Variants in KLHL14 observed in about 807,000 individuals in gnomAD.
The protein encoded by KLHL14 is kelch like family member 14, also known as kelch-like protein 14.
A neutral mutation model predicts 64.3 loss-of-function variants in KLHL14; 22 were observed. The observed-to-expected ratio is 0.34, with a 90% confidence interval of 0.24 to 0.49. The LOEUF (loss-of-function observed/expected upper bound fraction) is 0.49. KLHL14 is among the 20% of genes least tolerant of loss of function. KLHL14 has a pLI of 0.99. For synonymous variants in KLHL14, 322 were observed against 333.4 expected, an observed-to-expected ratio of 0.97 and a Z score of 0.37; for missense variants, 661 against 789.0, an observed-to-expected ratio of 0.84 and a Z score of 1.94.
chr18:32,761,529 G>A (rs1268677986), intron 2 of KLHL14, among the ~76,000 whole-genome samples: 1 of 151,460 alleles, frequency 6.6e-6, no homozygotes, highest in Non-Finnish European at 1.5e-5. Context: ...TACTTAGAAT[G>A]GCTCATCTTT....
intron 4 of KLHL14, among the ~76,000 whole-genome samples, chr18:32,688,973 G>A (rs558207316): frequency 6.6e-6 from 1 of 152,160 alleles, no homozygotes; most frequent in Non-Finnish European, 1.5e-5. Flanking sequence ...AAAATTTCCT[G>A]AGGGCTTGAA....
intron 2 of KLHL14, among the ~76,000 whole-genome samples, chr18:32,766,297 C>T (rs376489443): frequency 9.9e-5 from 15 of 151,962 alleles, no homozygotes; most frequent in African/African-American, 3.6e-4. Context: ...TAAAAAGAAA[C>T]TATTTGGGTT....
intron 2 of KLHL14, among the ~76,000 whole-genome samples, chr18:32,755,623 C>A (rs1486056836): frequency 6.6e-6 from 1 of 152,104 alleles, no homozygotes; most frequent in Non-Finnish European, 1.5e-5. Flanking sequence ...ATTCAAAAAA[C>A]AGAAGCAATT....
At chr18:32,713,419 T>G (rs2050030212) in intron 3 of KLHL14, among the ~76,000 whole-genome samples, 1 of 152,160 alleles carries the variant, frequency 6.6e-6, no homozygotes, top group Admixed American at 6.6e-5. Flanking sequence ...TCTCTTTCTA[T>G]TATGCTTTGT....
chr18:32,729,384 T>G (rs1183068279), intron 3 of KLHL14, among the ~76,000 whole-genome samples: 1 of 152,222 alleles, frequency 6.6e-6, no homozygotes, highest in African/African-American at 2.4e-5. Context: ...ACGAGCCATA[T>G]TTAACACATA....
intron 3 of KLHL14, among the ~76,000 whole-genome samples, chr18:32,731,022 A>G (rs2050134615): frequency 6.6e-6 from 1 of 152,128 alleles, no homozygotes; most frequent in South Asian, 2.1e-4. Context: ...CCAGGTCCTT[A>G]AGGTATCAGC....
At position 32,680,687 on chromosome 18, in the gene KLHL14, G is replaced by A; in HGVS notation, c.1239-88C>T. ...AAGATAAGCACCACACAGCTAGTCA[G>A]GGAAAGGGGTGCATTCTGCTTCAGA... On this transcript the variant is annotated intron_variant, in intron 5 of 8. Transcript: ENST00000359358. This position sits in a 1 kb window ranked among gnomAD's most constrained non-coding sequence, Gnocchi z 4.8. The A allele has an allele frequency of 7.7e-7, 1 of 1,297,964 alleles. No homozygotes were observed. Among genetic ancestry groups the A allele is most frequent in the Non-Finnish European group, 1.1e-6 (1 of 948,156 alleles). 80.4% of individuals were successfully genotyped at this position (1,297,964 alleles called of 1,614,324 possible).
At chr18:32,682,176 A>G (rs1804461083) in intron 5 of KLHL14, among the ~76,000 whole-genome samples, 1 of 152,234 alleles carries the variant, frequency 6.6e-6, no homozygotes, top group Admixed American at 6.5e-5. Flanking sequence ...TTGTTACCAT[A>G]TAGGCATGAT....
chr18:32,739,287 C>T (rs1428017208), intron 3 of KLHL14, among the ~76,000 whole-genome samples: 5 of 151,738 alleles, frequency 3.3e-5, no homozygotes, highest in Admixed American at 3.3e-4. Flanking sequence ...TGGGAAGAAT[C>T]TGGGATTCTG....
At chr18:32,772,259 T>A in intron 1 of KLHL14, 1 of 397,142 alleles carries the variant, frequency 2.5e-6, no homozygotes, top group Non-Finnish European at 5.1e-6. Flanking sequence ...ACTGGGCTCC[T>A]TTCGACTCAC....
Position 32,680,748 on chromosome 18 carries a change from T to G in KLHL14, c.1239-149A>C. On this transcript the variant is annotated intron_variant, in intron 5 of 8. Transcript: ENST00000359358. The surrounding 1 kb of genome is among the most constrained non-coding windows in gnomAD (Gnocchi z 4.8). Reference sequence around the variant, plus strand: ...AATCTTTAAAAATTACACGTATACCTTATAATTCTGAGACCTTCTACAGTA... The same window carrying G: ...AATCTTTAAAAATTACACGTATACCGTATAATTCTGAGACCTTCTACAGTA... The G allele has an allele frequency of 2.9e-6, 2 of 685,088 alleles. No individual in the cohort carries two copies. The highest frequency in any genetic ancestry group is 2.7e-5 in the East Asian group (1 of 36,822). The allele number at this position is 685,088 out of a possible 1,614,324, so 42.4% of individuals were successfully genotyped here. A position where few individuals can be genotyped will look rare whatever the true frequency, so the allele number is the denominator to read the frequency against.
chr18:32,755,461 G>A (rs2050276985), intron 2 of KLHL14, among the ~76,000 whole-genome samples: 1 of 152,036 alleles, frequency 6.6e-6, no homozygotes, highest in Non-Finnish European at 1.5e-5. Flanking sequence ...AAATCCCCTA[G>A]AATTTGGTAA....
intron 2 of KLHL14, among the ~76,000 whole-genome samples, chr18:32,748,701 G>A (rs1415812717): frequency 1.4e-5 from 2 of 145,566 alleles, no homozygotes; most frequent in Non-Finnish European, 3.0e-5. Flanking sequence ...TGTTGACCAC[G>A]CTGGTCTCTG....
chr18:32,707,510 AG>A (rs1187085080), intron 3 of KLHL14, among the ~76,000 whole-genome samples: 3 of 152,224 alleles, frequency 2.0e-5, no homozygotes, highest in Non-Finnish European at 4.4e-5. Flanking sequence ...TTAGCTGATA[AG>A]GGTAGCTCTC....
At chr18:32,761,403 T>C (rs1316971751) in intron 2 of KLHL14, among the ~76,000 whole-genome samples, 1 of 150,978 alleles carries the variant, frequency 6.6e-6, no homozygotes, top group East Asian at 1.9e-4. Context: ...CTTTTTTTTT[T>C]TTTTTTTTTA....
At chr18:32,717,267 C>T (rs966591596) in intron 3 of KLHL14, among the ~76,000 whole-genome samples, 1 of 152,112 alleles carries the variant, frequency 6.6e-6, no homozygotes, top group African/African-American at 2.4e-5. Context: ...ATGAGTCAAA[C>T]CAAAAATAAA....
chr18:32,704,042 A>G (rs1016333845), intron 3 of KLHL14, among the ~76,000 whole-genome samples: 5 of 152,150 alleles, frequency 3.3e-5, no homozygotes, highest in Non-Finnish European at 7.4e-5. Flanking sequence ...TATCATTCTC[A>G]TACTTTTTAT....
chr18:32,739,769 T>C (rs2144528482), intron 3 of KLHL14, among the ~76,000 whole-genome samples: 1 of 152,216 alleles, frequency 6.6e-6, no homozygotes, highest in Non-Finnish European at 1.5e-5. Context: ...ATCTAACATG[T>C]GAAAACTATG....
rs574080093 is a variant in KLHL14, at chr18:32,770,185, C to A, written c.407G>T (p.Arg136Leu). The change falls in exon 2 of 9, where the codon CGC becomes CTC. Residue 136 changes from arginine to leucine, a missense_variant. Arg to Leu is a moderately radical substitution (Grantham distance 102). Coordinates refer to ENST00000359358, the MANE Select transcript of KLHL14 (RefSeq NM_020805.3). This position sits in a 1 kb window ranked among gnomAD's most constrained non-coding sequence, Gnocchi z 6.7. ...CGTGTAGAGGTACTCGAGCACCAGG[C>A]GCAGCCCGATGGACGAGCAGCCCTG... ...VLQGCSSIGL[R>L]LVLEYLYTAN... is the part of the protein sequence containing the mutation. 3.1e-6 allele frequency: 5 copies of A among 1,613,318 alleles called. No homozygotes were observed. The highest frequency in any genetic ancestry group is 4.2e-6 in the Non-Finnish European group (5 of 1,179,398).
Sources: allele counts gnomAD v4.1 joint callset (sites outside exome capture counted in the v4.1 genomes callset), GRCh38; gene constraint gnomAD v4.1.1; non-coding constraint Gnocchi (gnomAD v3.1); transcripts MANE v1.5; gene names NCBI Gene and HGNC (gene_info 2026-07-23, HGNC 2026-07-21).